Variants in PATJ observed in about 807,000 individuals in gnomAD.
PATJ encodes the protein PATJ crumbs cell polarity complex component.
In PATJ, 190 loss-of-function variants were observed where a neutral mutation model predicts 224.9. The observed-to-expected ratio is 0.84, with a 90% CI of 0.75 to 0.95. The LOEUF (loss-of-function observed/expected upper bound fraction) is 0.95, where lower values mean the gene tolerates loss of function less well. PATJ is among the 40% of genes least tolerant of loss of function. PATJ has a pLI of 0.00. For synonymous variants in PATJ, 769 were observed against 820.3 expected, an observed-to-expected ratio of 0.94 and a Z score of 1.07; for missense variants, 2,121 against 2,270.3, an observed-to-expected ratio of 0.93 and a Z score of 1.34.
chr1:62,052,466 G>A (rs1040544910), intron 31 of PATJ, among the ~76,000 whole-genome samples: 1 of 151,602 alleles, frequency 6.6e-6, no homozygotes, highest in Non-Finnish European at 1.5e-5. Flanking sequence ...AAATGACCGG[G>A]CACAGTGACT....
Position 62,108,434 on chromosome 1 carries a change from T to C in PATJ, c.4378-3T>C. 3 of 1,584,920 alleles carry C rather than the reference T, an allele frequency of 1.9e-6. No homozygotes were observed. The Admixed American group carries it at 5.1e-5, about 27-fold the overall frequency. Reference sequence around the variant, plus strand: ...AAAATGAGTAAGATTTTATTTTTTATAGAATGCTATAGTTATCCATGAAGT... The same window carrying C: ...AAAATGAGTAAGATTTTATTTTTTACAGAATGCTATAGTTATCCATGAAGT... On this transcript the variant is annotated splice_polypyrimidine_tract_variant and splice_region_variant and intron_variant, in intron 33 of 43. Transcript: ENST00000642238.
rs1457362398 is a variant in PATJ at position 62,038,018 on chromosome 1, C to T, written c.4001C>T (p.Pro1334Leu). 2 of 1,599,658 alleles carry T rather than the reference C, an allele frequency of 1.3e-6. No individual in the cohort carries two copies. The highest frequency in any genetic ancestry group is 1.7e-4 in the Middle Eastern group (1 of 6,004). The change falls in exon 30 of 44, where the codon CCA becomes CTA. Residue 1334 changes from proline to leucine, a missense_variant. Transcript: ENST00000642238. ...AATCAGATGGCCGTTACTCCCTTTC[C>T]AGTGCCATCAAGTTCTCCATCTTCT... ...AVNQMAVTPF[P>L]VPSSSPSSIE...
chr1:62,149,995 T>G (rs1466234102), intron 42 of PATJ, among the ~76,000 whole-genome samples: 1 of 152,156 alleles, frequency 6.6e-6, no homozygotes, highest in Non-Finnish European at 1.5e-5. Context: ...ATAAGGGTCT[T>G]TAATGATTTG....
chr1:62,086,428 A>T lies in PATJ; in HGVS notation c.4377+1780A>T, dbSNP rs1383136835. ...CTAGCTCTGCCCTTCACTACCTAAA[A>T]CCAGGGCGACTCCCTAGAGACAATC... On this transcript the variant is annotated intron_variant, in intron 33 of 43. Coordinates refer to ENST00000642238, the MANE Select transcript of PATJ (RefSeq NM_001350145.3). This position sits in a 1 kb window ranked among gnomAD's most constrained non-coding sequence, Gnocchi z 4.0. Among the ~76,000 whole-genome samples, 4 of 152,200 alleles carry T rather than the reference A, an allele frequency of 2.6e-5. No homozygotes were observed. The highest frequency in any genetic ancestry group is 9.6e-5 in the African/African-American group (4 of 41,526).
chr1:61,913,305 G>C (rs1672965661), intron 25 of PATJ, among the ~76,000 whole-genome samples: 1 of 152,042 alleles, frequency 6.6e-6, no homozygotes, highest in Non-Finnish European at 1.5e-5. Context: ...TGCAATTGTG[G>C]CTCACTGTAG....
intron 25 of PATJ, among the ~76,000 whole-genome samples, chr1:61,912,596 G>A (rs1422814336): frequency 6.7e-6 from 1 of 149,458 alleles, no homozygotes; most frequent in Non-Finnish European, 1.5e-5. Context: ...GTGAGACTCT[G>A]TCTCAACGAA....
chr1:61,812,134 C>T (rs1282441058), intron 14 of PATJ, among the ~76,000 whole-genome samples: 1 of 151,984 alleles, frequency 6.6e-6, no homozygotes, highest in Non-Finnish European at 1.5e-5. Context: ...ACATGTTAAC[C>T]ATAGCTTATA....
intron 35 of PATJ, among the ~76,000 whole-genome samples, chr1:62,115,438 G>C (rs1192158347): frequency 2.0e-5 from 3 of 151,928 alleles, no homozygotes; most frequent in Non-Finnish European, 2.9e-5. Flanking sequence ...TTCAATATCA[G>C]TCTGGCAACA....
intron 25 of PATJ, among the ~76,000 whole-genome samples, chr1:61,911,761 G>A (rs906328688): frequency 2.0e-5 from 3 of 146,558 alleles, no homozygotes; most frequent in Non-Finnish European, 4.5e-5. Flanking sequence ...TGTCAGGGAG[G>A]CAAAGTGTTT....
intron 28 of PATJ, among the ~76,000 whole-genome samples, chr1:61,996,220 A>C (rs1558011144): frequency 6.6e-6 from 1 of 152,240 alleles, no homozygotes; most frequent in East Asian, 1.9e-4. Flanking sequence ...AGGTAATCTC[A>C]GATCTCAGTG....
intron 28 of PATJ, among the ~76,000 whole-genome samples, chr1:62,011,611 T>C (rs1286904235): frequency 6.6e-6 from 1 of 151,990 alleles, no homozygotes; most frequent in African/African-American, 2.4e-5. Context: ...GTTTGAAATA[T>C]TGAGAGAATT....
chr1:61,858,241 G>A (rs1422458015), intron 18 of PATJ, among the ~76,000 whole-genome samples: 1 of 152,012 alleles, frequency 6.6e-6, no homozygotes, highest in Non-Finnish European at 1.5e-5. Context: ...GTTGGAGTGG[G>A]GTGGGGGATG....
intron 1 of PATJ, among the ~76,000 whole-genome samples, chr1:61,752,814 G>T (rs1320791053): frequency 6.6e-6 from 1 of 152,014 alleles, no homozygotes; most frequent in Non-Finnish European, 1.5e-5. Context: ...GATTGTTCTG[G>T]AATTTATATA....
At chr1:62,001,116 A>T (rs911541456) in intron 28 of PATJ, among the ~76,000 whole-genome samples, 1 of 151,428 alleles carries the variant, frequency 6.6e-6, no homozygotes, top group African/African-American at 2.4e-5. Flanking sequence ...TAGGTTGCGA[A>T]AATTTTCTCC....
intron 33 of PATJ, among the ~76,000 whole-genome samples, chr1:62,092,380 T>A (rs866230901): frequency 9.9e-5 from 15 of 150,880 alleles, no homozygotes; most frequent in South Asian, 2.1e-4. Flanking sequence ...ACCTTGCCTG[T>A]TAAAAAAAAA....
chr1:61,955,130 A>T (rs1446533414), intron 27 of PATJ, among the ~76,000 whole-genome samples: 1 of 152,166 alleles, frequency 6.6e-6, no homozygotes, highest in Non-Finnish European at 1.5e-5. Context: ...ATTCCATGTT[A>T]GTATTATTAT....
chr1:61,770,846 G>T (rs1455896266), intron 5 of PATJ, among the ~76,000 whole-genome samples: 1 of 151,326 alleles, frequency 6.6e-6, no homozygotes, highest in East Asian at 1.9e-4. Context: ...GGAGGCTGAG[G>T]CTGCAGTGAG....
At chr1:62,156,981 A>G (rs1198910424) in intron 43 of PATJ, among the ~76,000 whole-genome samples, 1 of 152,052 alleles carries the variant, frequency 6.6e-6, no homozygotes, top group Admixed American at 6.6e-5. Flanking sequence ...ATACCTTTCA[A>G]AATTCCTGTG....
chr1:61,904,744 G>A (rs1352169609), intron 24 of PATJ, among the ~76,000 whole-genome samples: 4 of 152,224 alleles, frequency 2.6e-5, no homozygotes, highest in African/African-American at 7.2e-5. Flanking sequence ...ACTTTTGGTT[G>A]CCTCTTCCCT....
Sources: gnomAD v4.1 joint callset for allele counts (sites outside exome capture counted in the v4.1 genomes callset) on GRCh38, gnomAD v4.1.1 for gene constraint, Gnocchi (gnomAD v3.1) non-coding constraint, MANE v1.5 for transcripts, NCBI Gene and HGNC (gene_info 2026-07-23, HGNC 2026-07-21) for gene names.